SLC13A3: variants seen among roughly 807,000 people sequenced by gnomAD.
SLC13A3 encodes solute carrier family 13 member 3, also known as Na(+)/dicarboxylate cotransporter 3.
A neutral mutation model predicts 59.0 loss-of-function variants in SLC13A3; 40 were observed. That is an observed-to-expected ratio of 0.68 (90% CI 0.53 to 0.88). SLC13A3 has a LOEUF of 0.88. SLC13A3 is among the 40% of genes least tolerant of loss of function. The pLI is 0.00. For missense variants in SLC13A3, 699 were observed against 783.2 expected, an observed-to-expected ratio of 0.89 and a Z score of 1.28; for synonymous variants, 317 against 330.3, an observed-to-expected ratio of 0.96 and a Z score of 0.44.
chr20:46,649,768 C>T (rs879419795), intron 1 of SLC13A3, among the ~76,000 whole-genome samples: 1 of 152,144 alleles, frequency 6.6e-6, no homozygotes, highest in Non-Finnish European at 1.5e-5. Flanking sequence ...CAAAGGTGAC[C>T]TCATCCTTCT....
chr20:46,662,128 C>G (rs182116732), intron 1 of SLC13A3, among the ~76,000 whole-genome samples: 1 of 152,312 alleles, frequency 6.6e-6, no homozygotes, highest in African/African-American at 2.4e-5. Context: ...TTTGGAGCAG[C>G]TATGAGTCTC....
chr20:46,575,831 G>C, intron 9 of SLC13A3, 146 bp from the exon 10 acceptor site: 1 of 499,850 alleles, frequency 2.0e-6, no homozygotes. Context: ...GGAGCTTTAG[G>C]GAGAGAGTGC....
At chr20:46,674,082 G>GA (rs2063108074), upstream of SLC13A3, among the ~76,000 whole-genome samples, 1 of 152,172 alleles carries the variant, frequency 6.6e-6, no homozygotes, top group Admixed American at 6.5e-5. Flanking sequence ...GGCAGTGGGA[G>GA]AGAGTATGAG....
chr20:46,643,440 G>T (rs1256844217), intron 1 of SLC13A3, among the ~76,000 whole-genome samples: 3 of 152,150 alleles, frequency 2.0e-5, no homozygotes, highest in African/African-American at 7.2e-5. Context: ...GAGAACAGAG[G>T]TTCAGAACGA....
intron 1 of SLC13A3, 72 bp from the exon 2 acceptor site, chr20:46,613,797 G>T: frequency 7.2e-7 from 1 of 1,381,596 alleles, no homozygotes; most frequent in Non-Finnish European, 9.8e-7. Flanking sequence ...CCAGGGCTCA[G>T]GGCAGAGGGG....
intron 1 of SLC13A3, among the ~76,000 whole-genome samples, chr20:46,664,406 A>G (rs972393800): frequency 3.9e-5 from 6 of 152,210 alleles, no homozygotes; most frequent in African/African-American, 1.2e-4. Context: ...TTACTTAACT[A>G]TTAATAATAT....
chr20:46,631,133 G>A (rs192460818), intron 1 of SLC13A3, among the ~76,000 whole-genome samples: 64 of 152,280 alleles, frequency 4.2e-4, no homozygotes, highest in African/African-American at 1.1e-3. Context: ...AGTGGTTCTC[G>A]ACAGGGGGTG....
At chr20:46,629,969 T>C (rs1395434178) in intron 1 of SLC13A3, among the ~76,000 whole-genome samples, 1 of 152,224 alleles carries the variant, frequency 6.6e-6, no homozygotes, top group Non-Finnish European at 1.5e-5. Context: ...TGTTGGCTAC[T>C]TATTACAGAA....
chr20:46,568,400 T>TCA (rs1568910276), intron 10 of SLC13A3, among the ~76,000 whole-genome samples: 2 of 29,902 alleles, frequency 6.7e-5, no homozygotes, highest in Non-Finnish European at 1.0e-4. Flanking sequence ...AGACTCCATC[T>TCA]CAAAAAAAAA....
At chr20:46,676,462 C>T (rs1021911609) in intron 1 of SLC13A3, among the ~76,000 whole-genome samples, 74 of 149,134 alleles carry the variant, frequency 5.0e-4, no homozygotes, top group Admixed American at 1.5e-3. Flanking sequence ...ACCGTGTTGC[C>T]CAGGCTGGTC....
chr20:46,635,221 T>G (rs774930052), intron 1 of SLC13A3, among the ~76,000 whole-genome samples: 1 of 152,114 alleles, frequency 6.6e-6, no homozygotes, highest in Non-Finnish European at 1.5e-5. Context: ...GGGTCTATCA[T>G]TTGGAGATAA....
At chr20:46,674,372 C>T (rs1333364637), upstream of SLC13A3, among the ~76,000 whole-genome samples, 2 of 152,176 alleles carry the variant, frequency 1.3e-5, no homozygotes, top group African/African-American at 2.4e-5. Flanking sequence ...GGGAAGGGGG[C>T]AGGCCTGGGC....
chr20:46,679,592 C>G (rs1286974659), intron 1 of SLC13A3, among the ~76,000 whole-genome samples: 1 of 148,722 alleles, frequency 6.7e-6, no homozygotes, highest in Non-Finnish European at 1.5e-5. Flanking sequence ...CTAGCCTGGG[C>G]GACAGAGCGA....
chr20:46,563,708 G>C (rs149165763), intron 11 of SLC13A3, among the ~76,000 whole-genome samples, 157 bp from the exon 12 acceptor site: 2 of 152,168 alleles, frequency 1.3e-5, no homozygotes, highest in African/African-American at 4.8e-5. Flanking sequence ...GAGTGGCAGA[G>C]AACAACAGGG....
intron 1 of SLC13A3, among the ~76,000 whole-genome samples, chr20:46,627,932 A>T (rs1302790940): frequency 2.0e-5 from 3 of 152,176 alleles, no homozygotes; most frequent in African/African-American, 4.8e-5. Flanking sequence ...CTAAGAGTAG[A>T]TCTCATCACT....
chr20:46,626,163 T>C (rs1483343849), intron 1 of SLC13A3, among the ~76,000 whole-genome samples: 1 of 145,112 alleles, frequency 6.9e-6, no homozygotes, highest in Non-Finnish European at 1.5e-5. Flanking sequence ...CTCTCCCCCC[T>C]TCTTTTTCTC....
At chr20:46,620,233 G>A (rs552686528) in intron 1 of SLC13A3, among the ~76,000 whole-genome samples, 1 of 152,330 alleles carries the variant, frequency 6.6e-6, no homozygotes, top group African/African-American at 2.4e-5. Context: ...AGGAAGGTTA[G>A]TATTATTTTC....
chr20:46,564,052 T>C (rs2061958606), intron 11 of SLC13A3, among the ~76,000 whole-genome samples: 1 of 152,214 alleles, frequency 6.6e-6, no homozygotes, highest in Admixed American at 6.5e-5. Context: ...TCCTGACGTG[T>C]TCCCCCGGTG....
chr20:46,661,895 A>C (rs1246482636), intron 1 of SLC13A3, among the ~76,000 whole-genome samples: 1 of 152,146 alleles, frequency 6.6e-6, no homozygotes, highest in Non-Finnish European at 1.5e-5. Context: ...CCTTGCTTTC[A>C]GGGGAATCCT....
Sources: allele counts gnomAD v4.1 joint callset (sites outside exome capture counted in the v4.1 genomes callset), GRCh38; gene constraint gnomAD v4.1.1; transcripts MANE v1.5; gene names NCBI Gene and HGNC (gene_info 2026-07-23, HGNC 2026-07-21).